Variants in SUSD1 observed in about 807,000 individuals in gnomAD.
SUSD1 encodes sushi domain-containing protein 1.
A neutral mutation model predicts 86.9 loss-of-function variants in SUSD1; 65 were observed. The observed-to-expected ratio is 0.75, with a 90% CI of 0.61 to 0.92. The LOEUF (loss-of-function observed/expected upper bound fraction) is 0.92. Ranked by LOEUF, SUSD1 falls within the 40% of genes least tolerant of loss-of-function variation. The pLI is 0.00. For synonymous variants in SUSD1, 346 were observed against 350.0 expected (o/e 0.99, Z 0.13); for missense variants, 850 against 929.7 (o/e 0.91, Z 1.11).
chr9:112,056,196 G>A (rs561863830), intron 14 of SUSD1, among the ~76,000 whole-genome samples: 2 of 152,246 alleles, frequency 1.3e-5, no homozygotes, highest in South Asian at 4.1e-4. Context: ...GAGCCCCGGG[G>A]GTTGAGGCTG....
At chr9:112,060,313 G>T (rs1407143382) in intron 13 of SUSD1, among the ~76,000 whole-genome samples, 1 of 152,190 alleles carries the variant, frequency 6.6e-6, no homozygotes, top group East Asian at 1.9e-4. Context: ...CCAGGCTGGA[G>T]TGCAGTGGTG....
chr9:112,078,809 C>CTAT, intron 11 of SUSD1, 85 bp from the exon 12 acceptor site: 9 of 829,660 alleles, frequency 1.1e-5, no homozygotes, highest in Middle Eastern at 3.9e-4. Flanking sequence ...CTTTTTCTTT[C>CTAT]TCTTTTTTTT....
intron 6 of SUSD1, among the ~76,000 whole-genome samples, chr9:112,118,643 C>T (rs1831426787): frequency 6.6e-6 from 1 of 152,154 alleles, no homozygotes; most frequent in South Asian, 2.1e-4. Flanking sequence ...TGCCACCACA[C>T]CCAGCTAATT....
chr9:112,172,403 A>T (rs1834083207), intron 1 of SUSD1, among the ~76,000 whole-genome samples: 1 of 152,056 alleles, frequency 6.6e-6, no homozygotes, highest in African/African-American at 2.4e-5. Flanking sequence ...GTCTTTCTCC[A>T]TCCTACCCAG....
chr9:112,073,880 G>A (rs1017823471), intron 12 of SUSD1, among the ~76,000 whole-genome samples: 10 of 152,120 alleles, frequency 6.6e-5, no homozygotes, highest in African/African-American at 2.4e-4. Flanking sequence ...GCAAGCCTGG[G>A]CAACAGAGCA....
intron 6 of SUSD1, among the ~76,000 whole-genome samples, chr9:112,123,416 C>G (rs1401551494): frequency 6.6e-6 from 1 of 152,148 alleles, no homozygotes; most frequent in African/African-American, 2.4e-5. Context: ...TGATCTACCC[C>G]CATGACCCAA....
At chr9:112,153,293 AAC>A (rs915394505) in intron 2 of SUSD1, among the ~76,000 whole-genome samples, 2 of 151,340 alleles carry the variant, frequency 1.3e-5, no homozygotes, top group Non-Finnish European at 3.0e-5. Context: ...CTAAGACACA[AAC>A]ACACACACAC....
intron 12 of SUSD1, among the ~76,000 whole-genome samples, chr9:112,076,404 A>G (rs1174858917): frequency 6.6e-6 from 1 of 152,234 alleles, no homozygotes; most frequent in Non-Finnish European, 1.5e-5. Flanking sequence ...GGGATGGGAT[A>G]GAACCAATTA....
intron 12 of SUSD1, among the ~76,000 whole-genome samples, chr9:112,073,214 C>T (rs778834757): frequency 2.0e-5 from 3 of 152,128 alleles, no homozygotes; most frequent in African/African-American, 4.8e-5. Context: ...TTTTCCTAAC[C>T]GTCTGAAAAA....
chr9:112,049,353 C>T (rs192986549), intron 15 of SUSD1, among the ~76,000 whole-genome samples: 192 of 152,296 alleles, frequency 1.3e-3, no homozygotes, highest in African/African-American at 4.0e-3. Context: ...ATCACAGACT[C>T]ATAATACTCT....
At chr9:112,120,994 C>T (rs1315739471) in intron 6 of SUSD1, among the ~76,000 whole-genome samples, 2 of 152,230 alleles carry the variant, frequency 1.3e-5, no homozygotes, top group Admixed American at 6.5e-5. Context: ...AGCTACCTCA[C>T]CTCCTCCAAA....
At chr9:112,141,995 TTC>T (rs1832598705) in intron 5 of SUSD1, among the ~76,000 whole-genome samples, 2 of 149,438 alleles carry the variant, frequency 1.3e-5, no homozygotes, top group South Asian at 4.2e-4. Context: ...CCCAAACCAT[TTC>T]CCTAATAGTC....
At chr9:112,074,306 T>C (rs912907825) in intron 12 of SUSD1, among the ~76,000 whole-genome samples, 17 of 152,168 alleles carry the variant, frequency 1.1e-4, no homozygotes, top group African/African-American at 3.9e-4. Context: ...GAAAGTTTGT[T>C]CCTCACCCTG....
At chr9:112,077,728 A>C (rs13295872) in intron 12 of SUSD1, among the ~76,000 whole-genome samples, 37,668 of 151,234 alleles carry the variant, frequency 0.25, 5,008 homozygotes, top group African/African-American at 0.35. Flanking sequence ...TGATCTCGAA[A>C]TGATCCTCAC....
At chr9:112,080,876 G>T (rs896863936) in intron 10 of SUSD1, among the ~76,000 whole-genome samples, 1 of 152,118 alleles carries the variant, frequency 6.6e-6, no homozygotes, top group African/African-American at 2.4e-5. Context: ...ATTGCTCCTT[G>T]AGGAACTGAA....
intron 5 of SUSD1, among the ~76,000 whole-genome samples, chr9:112,139,159 C>A (rs1564329931): frequency 6.6e-6 from 1 of 152,118 alleles, no homozygotes; most frequent in Non-Finnish European, 1.5e-5. Flanking sequence ...TCTCCCAAAT[C>A]TTTAAAAATT....
At chr9:112,172,131 G>T (rs569976661) in intron 1 of SUSD1, among the ~76,000 whole-genome samples, 1 of 151,644 alleles carries the variant, frequency 6.6e-6, no homozygotes, top group East Asian at 1.9e-4. Flanking sequence ...AGGAGGCAGA[G>T]GTTGCAGCAA....
intron 12 of SUSD1, among the ~76,000 whole-genome samples, chr9:112,070,075 A>G (rs989610561): frequency 4.6e-5 from 7 of 151,984 alleles, no homozygotes; most frequent in Non-Finnish European, 8.8e-5. Context: ...GTGTGATCTC[A>G]GCTCACTGCA....
rs148609544 is a variant in SUSD1 at position 112,041,086 on chromosome 9, A to T, written c.*406T>A. 126 of 283,966 alleles carry T rather than the reference A, an allele frequency of 4.4e-4. No homozygotes were observed. Among genetic ancestry groups the T allele is most frequent in the Middle Eastern group, 2.2e-3 (2 of 918 alleles). 17.6% of individuals were successfully genotyped at this position (283,966 alleles called of 1,614,324 possible). On this transcript the variant is annotated 3_prime_UTR_variant, in exon 17 of 17. Coordinates refer to ENST00000374270, the MANE Select transcript of SUSD1 (RefSeq NM_022486.5). Reference sequence around the variant, plus strand: ...TAAAGAATGGATTCTGAATGAATTAACAGAAATGCTTTTATATAGGAGGTT... The same window carrying T: ...TAAAGAATGGATTCTGAATGAATTATCAGAAATGCTTTTATATAGGAGGTT...
Sources: allele counts gnomAD v4.1 joint callset (sites outside exome capture counted in the v4.1 genomes callset), GRCh38; gene constraint gnomAD v4.1.1; transcripts MANE v1.5; gene names NCBI Gene and HGNC (gene_info 2026-07-23, HGNC 2026-07-21).